The following KIF26B variants were observed in gnomAD, a reference collection of about 807,000 sequenced individuals.
KIF26B encodes the protein kinesin family member 26B.
Under a neutral mutation model 151.2 loss-of-function variants are expected in KIF26B, and 63 were observed. That is an observed-to-expected ratio of 0.42 (90% CI 0.34 to 0.51). The LOEUF is 0.51. Among genes scored for constraint, KIF26B ranks in the 20% least tolerant of loss-of-function variants. KIF26B has a pLI of 0.07. For missense variants in KIF26B, 2,813 were observed against 2,913.6 expected (o/e 0.97, Z 0.79); for synonymous variants, 1,357 against 1,262.1 (o/e 1.08, Z -1.59).
In KIF26B at chr1:245,707,819, C is replaced by A. The variant is rs1411565325; in HGVS notation, c.*5213C>A. On this transcript the variant is annotated 3_prime_UTR_variant, in exon 15 of 15. Transcript: ENST00000407071. ...TTGGAAATCCACGCCCACCGGCTTGCACGGAAGAGGACTCAGCCTCTTCCT... is the reference window on the plus strand; with the variant it reads ...TTGGAAATCCACGCCCACCGGCTTGAACGGAAGAGGACTCAGCCTCTTCCT... 6.6e-6 allele frequency: 1 copy of A among 152,212 alleles called. No individual in the cohort carries two copies. The highest frequency in any genetic ancestry group is 1.5e-5 in the Non-Finnish European group (1 of 68,040). The allele number at this position is 152,212 out of a possible 1,614,324, so 9.4% of individuals were successfully genotyped here.
chr1:245,663,981 A>G (rs1291447854), intron 10 of KIF26B, among the ~76,000 whole-genome samples: 1 of 152,128 alleles, frequency 6.6e-6, no homozygotes, highest in Non-Finnish European at 1.5e-5. Context: ...TGTTCTGCTT[A>G]TTTATCTTGA....
intron 4 of KIF26B, among the ~76,000 whole-genome samples, chr1:245,438,753 CAAAT>C (rs2103045751): frequency 6.6e-6 from 1 of 152,322 alleles, no homozygotes; most frequent in East Asian, 1.9e-4. Context: ...GACTGAATCT[CAAAT>C]AATGATGGTA....
At chr1:245,481,836 C>G (rs1660173960) in intron 4 of KIF26B, among the ~76,000 whole-genome samples, 1 of 151,766 alleles carries the variant, frequency 6.6e-6, no homozygotes, top group Non-Finnish European at 1.5e-5. Context: ...TGATCAATGT[C>G]CCCTGGCACT....
At chr1:245,332,487 T>A (rs1344393769) in intron 2 of KIF26B, among the ~76,000 whole-genome samples, 1 of 152,224 alleles carries the variant, frequency 6.6e-6, no homozygotes, top group East Asian at 1.9e-4. Flanking sequence ...TTTTAATTTT[T>A]ATTTTTCCCT....
chr1:245,221,563 C>T (rs755062806), intron 2 of KIF26B, among the ~76,000 whole-genome samples: 2 of 150,764 alleles, frequency 1.3e-5, no homozygotes, highest in Admixed American at 6.6e-5. Context: ...CCTACCACCA[C>T]GTCCGGCTAA....
At chr1:245,175,009 A>T (rs1668778788) in intron 2 of KIF26B, among the ~76,000 whole-genome samples, 1 of 152,168 alleles carries the variant, frequency 6.6e-6, no homozygotes. Flanking sequence ...GACTCCTTCA[A>T]ACCACTCTCG....
In KIF26B at chr1:245,361,354, A is replaced by C. The variant is rs116289051; in HGVS notation, c.466-5480A>C. On this transcript the variant is annotated intron_variant, in intron 2 of 14. Transcript: ENST00000407071. ...GGGTAATTTGGTTTCTTATGTAGAA[A>C]AACTGCGGTCTGACATTTAACATTT... 1.9e-3 allele frequency among the ~76,000 whole-genome samples: 293 copies of C among 152,350 alleles called. 2 individuals are homozygous for C. Among genetic ancestry groups the C allele is most frequent in the African/African-American group, 6.5e-3 (272 of 41,588 alleles).
chr1:245,164,590 T>G (rs1341827907), intron 2 of KIF26B, among the ~76,000 whole-genome samples: 1 of 152,200 alleles, frequency 6.6e-6, no homozygotes, highest in East Asian at 1.9e-4. Context: ...GCGTGCCCCC[T>G]ACATATGGGG....
Position 245,685,613 on chromosome 1 carries a change from A to C in KIF26B, c.2630A>C (p.Asp877Ala), listed in dbSNP as rs2044501857. The C allele has an allele frequency of 3.7e-6, 6 of 1,613,574 alleles. No homozygotes were observed. The highest frequency in any genetic ancestry group is 1.3e-5 in the African/African-American group (1 of 74,926). Reference protein sequence around the residue: ...YIGPNGTALSDKELTDNEGPP... With the variant: ...YIGPNGTALSAKELTDNEGPP... Reference sequence around the variant, plus strand: ...GGGCCCAACGGCACGGCCCTCTCTGACAAGGAGCTCACCGACAACGAGGGC... The same window carrying C: ...GGGCCCAACGGCACGGCCCTCTCTGCCAAGGAGCTCACCGACAACGAGGGC... The change falls in exon 12 of 15, where the codon GAC (aspartate) becomes GCC (alanine). Residue 877 changes from aspartate (D) to alanine (A), a missense_variant. Physicochemically the swap from Asp to Ala is moderately radical, Grantham distance 126 (BLOSUM62 -2). Coordinates refer to ENST00000407071, the MANE Select transcript of KIF26B (RefSeq NM_018012.4).
At chr1:245,476,514 ATTTATTTATTTATTTACTTACTTACT>A (rs984519751) in intron 4 of KIF26B, among the ~76,000 whole-genome samples, 1 of 124,944 alleles carries the variant, frequency 8.0e-6, no homozygotes, top group African/African-American at 2.7e-5. Context: ...TTATTTATTT[ATTTATTTATTTATTTACTTACTTACT>A]TACTTACTTA....
At chr1:245,162,693 G>A (rs1668552961) in intron 2 of KIF26B, among the ~76,000 whole-genome samples, 1 of 152,138 alleles carries the variant, frequency 6.6e-6, no homozygotes, top group Non-Finnish European at 1.5e-5. Flanking sequence ...GTACATTCGT[G>A]TAGATGCAAA....
At chr1:245,631,783 A>G (rs1340652580) in intron 9 of KIF26B, among the ~76,000 whole-genome samples, 2 of 151,932 alleles carry the variant, frequency 1.3e-5, no homozygotes, top group Admixed American at 1.3e-4. Context: ...AGATTTTTTT[A>G]TTCTTCCTGA....
At position 245,702,330 on chromosome 1, in the gene KIF26B, T is replaced by C; in HGVS notation, c.6179-128T>C. The stretch of plus-strand genomic sequence containing the variant: ...GGCAGGAGGGAACTCTGCAGTGGCC[T>C]AAGGCAAGCGAACTAGACCTTTAGA... On this transcript the variant is annotated intron_variant, in intron 14 of 14. Coordinates refer to ENST00000407071, the MANE Select transcript of KIF26B (RefSeq NM_018012.4). The surrounding 1 kb of genome is among the most constrained non-coding windows in gnomAD (Gnocchi z 4.1). 3 of 971,414 alleles carry C rather than the reference T, an allele frequency of 3.1e-6. No homozygotes were observed. The highest frequency in any genetic ancestry group is 3.2e-5 in the South Asian group (2 of 63,362). 60.2% of individuals were successfully genotyped at this position (971,414 alleles called of 1,614,324 possible). A position where few individuals can be genotyped will look rare whatever the true frequency, so the allele number is the denominator to read the frequency against.
chr1:245,574,565 G>A (rs566731987), intron 5 of KIF26B, among the ~76,000 whole-genome samples: 14 of 152,282 alleles, frequency 9.2e-5, no homozygotes, highest in South Asian at 2.1e-4. Flanking sequence ...CTCCAGGGCC[G>A]GTGTCTCCCC....
At chr1:245,484,884 A>T (rs536765958) in intron 4 of KIF26B, among the ~76,000 whole-genome samples, 131 of 150,498 alleles carry the variant, frequency 8.7e-4, no homozygotes, top group African/African-American at 3.0e-3. Flanking sequence ...CTTTTTTTTG[A>T]ATTAACTGGG....
At chr1:245,304,320 T>C (rs1345687725) in intron 2 of KIF26B, among the ~76,000 whole-genome samples, 1 of 152,194 alleles carries the variant, frequency 6.6e-6, no homozygotes. Flanking sequence ...ATCAATCCAA[T>C]TGCTAAACAA....
chr1:245,524,651 A>G (rs1227406920), intron 4 of KIF26B, among the ~76,000 whole-genome samples: 1 of 152,214 alleles, frequency 6.6e-6, no homozygotes, highest in East Asian at 1.9e-4. Context: ...AAATGCTTCT[A>G]TGTTAACTAT....
chr1:245,390,990 A>G (rs1261389215), intron 3 of KIF26B, among the ~76,000 whole-genome samples: 1 of 148,472 alleles, frequency 6.7e-6, no homozygotes, highest in African/African-American at 2.5e-5. Flanking sequence ...AAAAGATAAA[A>G]TTTTGAAAAC....
At chr1:245,159,984 A>G (rs1408508596) in intron 2 of KIF26B, among the ~76,000 whole-genome samples, 2 of 152,224 alleles carry the variant, frequency 1.3e-5, no homozygotes, top group African/African-American at 4.8e-5. Context: ...AAGGATGATC[A>G]TGAGTTTGGT....
Sources: allele counts gnomAD v4.1 joint callset (sites outside exome capture counted in the v4.1 genomes callset), GRCh38; gene constraint gnomAD v4.1.1; non-coding constraint Gnocchi (gnomAD v3.1); transcripts MANE v1.5; gene names NCBI Gene and HGNC (gene_info 2026-07-23, HGNC 2026-07-21).